ARFGEF3: variants seen among roughly 807,000 people sequenced by gnomAD.
The protein encoded by ARFGEF3 is brefeldin A-inhibited guanine nucleotide-exchange protein 3.
Under a neutral mutation model 221.7 loss-of-function variants are expected in ARFGEF3, and 96 were observed. That is an observed-to-expected ratio of 0.43 (90% CI 0.37 to 0.51). The LOEUF (loss-of-function observed/expected upper bound fraction) is 0.51, where lower values mean the gene tolerates loss of function less well. Ranked by LOEUF, ARFGEF3 falls within the 20% of genes least tolerant of loss-of-function variation. The pLI is 0.00. For missense variants in ARFGEF3, 2,410 were observed against 2,789.9 expected, an observed-to-expected ratio of 0.86 and a Z score of 3.07; for synonymous variants, 1,145 against 1,126.8, an observed-to-expected ratio of 1.02 and a Z score of -0.32.
At chr6:138,311,562 T>C in intron 25 of ARFGEF3, 52 bp downstream of exon 25, 1 of 1,315,214 alleles carries the variant, frequency 7.6e-7, no homozygotes, top group Non-Finnish European at 1.1e-6. Context: ...CCTCGGAACA[T>C]GCTGCCAAAA....
chr6:138,200,603 G>C (rs1439854102), intron 2 of ARFGEF3, among the ~76,000 whole-genome samples: 1 of 152,172 alleles, frequency 6.6e-6, no homozygotes, highest in African/African-American at 2.4e-5. Context: ...AAATGGTGCT[G>C]GGATAATTGG....
intron 2 of ARFGEF3, among the ~76,000 whole-genome samples, chr6:138,181,890 A>G (rs963324532): frequency 6.6e-6 from 1 of 152,228 alleles, no homozygotes. Flanking sequence ...GAAATTGTTT[A>G]TATTGATGGA....
rs190468821 is a variant in ARFGEF3, at chr6:138,212,698, A to G, written c.351+2657A>G. On this transcript the variant is annotated intron_variant, in intron 4 of 33. Coordinates refer to ENST00000251691, the MANE Select transcript of ARFGEF3 (RefSeq NM_020340.5). Reference sequence around the variant, plus strand: ...ACACTATGGAATACTATGCAGCCATAAAAAAGGATGAGTTCATGTCCTTTG... The same window carrying G: ...ACACTATGGAATACTATGCAGCCATGAAAAAGGATGAGTTCATGTCCTTTG... 2.2e-4 allele frequency among the ~76,000 whole-genome samples: 33 copies of G among 152,342 alleles called. No homozygotes were observed. In the East Asian group the frequency reaches 5.2e-3, roughly 24 times the overall value.
At chr6:138,243,653 A>G (rs1295360138) in intron 7 of ARFGEF3, among the ~76,000 whole-genome samples, 1 of 152,230 alleles carries the variant, frequency 6.6e-6, no homozygotes, top group Non-Finnish European at 1.5e-5. Context: ...AATACTGCAA[A>G]AATCTGCTTT....
intron 5 of ARFGEF3, among the ~76,000 whole-genome samples, chr6:138,237,531 G>T (rs1240694666): frequency 1.3e-5 from 2 of 151,934 alleles, no homozygotes; most frequent in Non-Finnish European, 1.5e-5. Context: ...TTCTAATTGA[G>T]ATTTCTCCAT....
rs1332033574 is a variant in ARFGEF3, at chr6:138,307,253, G to A, written c.3829G>A (p.Val1277Ile). The A allele has an allele frequency of 5.0e-6, 8 of 1,613,228 alleles. No individual in the cohort carries two copies. Among genetic ancestry groups the A allele is most frequent in the Non-Finnish European group, 6.8e-6 (8 of 1,179,470 alleles). The part of the protein sequence containing the change: ...ELCDEDVQDQ[V>I]VTSIGELVEV... ...GTGCCACTTGCTTTGCCTCTACCAG[G>A]TTGTCACATCCATTGGTGAGCTGGT... The change falls in exon 23 of 34, where the codon GTT becomes ATT. Residue 1277 changes from valine (V) to isoleucine (I), a missense_variant and splice_region_variant. By Grantham distance (29) the Val-to-Ile change is conservative. This residue lies in a region of ARFGEF3 where 723 missense variants were observed against 991.9 expected (regional missense o/e 0.73). Coordinates refer to ENST00000251691, the MANE Select transcript of ARFGEF3 (RefSeq NM_020340.5).
chr6:138,285,556 A>G (rs1333326710), intron 14 of ARFGEF3, among the ~76,000 whole-genome samples: 4 of 152,234 alleles, frequency 2.6e-5, no homozygotes, highest in Non-Finnish European at 4.4e-5. Context: ...TAATTCATGT[A>G]AGGAAGCTCT....
intron 2 of ARFGEF3, among the ~76,000 whole-genome samples, chr6:138,206,645 A>G (rs1777628893): frequency 6.6e-6 from 1 of 152,216 alleles, no homozygotes; most frequent in African/African-American, 2.4e-5. Context: ...AGGTAGAAGC[A>G]AGGCATAGAA....
Position 138,242,089 on chromosome 6 carries a change from A to G in ARFGEF3, c.544-863A>G, listed in dbSNP as rs368610864. Among the ~76,000 whole-genome samples, 200 of 152,342 alleles carry G rather than the reference A, an allele frequency of 1.3e-3. 1 individual carries two copies. In the South Asian group the frequency reaches 0.024, roughly 18 times the overall value. Reference sequence around the variant, plus strand: ...GCAAAAGTTGTTGTGGAAGCAGCTGAGCTTGCAAATTAATGAGCAGAGAAT... The same window carrying G: ...GCAAAAGTTGTTGTGGAAGCAGCTGGGCTTGCAAATTAATGAGCAGAGAAT... On this transcript the variant is annotated intron_variant, in intron 6 of 33. Transcript: ENST00000251691.
At position 138,262,809 on chromosome 6, in the gene ARFGEF3, G is replaced by C. The variant is rs746173663; in HGVS notation, c.1326G>C (p.Gln442His). The change falls in exon 12 of 34, where the codon CAG becomes CAC. Residue 442 changes from glutamine (Q) to histidine (H), a missense_variant. Coordinates refer to ENST00000251691, the MANE Select transcript of ARFGEF3 (RefSeq NM_020340.5). ...TLLGALDELS[Q>H]GKGLSEGQVQ... is the part of the protein sequence containing the mutation. ...TGGGTGCCCTGGATGAGCTCAGCCA[G>C]GGGAAGGGCTTGAGCGAAGGTCAGG... The C allele has an allele frequency of 6.2e-7, 1 of 1,614,062 alleles. No homozygotes were observed. Among genetic ancestry groups the C allele is most frequent in the South Asian group, 1.1e-5 (1 of 91,082 alleles).
Position 138,333,999 on chromosome 6 carries a change from T to A in ARFGEF3, c.5153T>A (p.Leu1718Gln), listed in dbSNP as rs1353598288. The A allele has an allele frequency of 6.2e-7, 1 of 1,609,954 alleles. No individual in the cohort carries two copies. The highest frequency in any genetic ancestry group is 1.1e-5 in the South Asian group (1 of 91,000). Residue 1718 changes from leucine (L) to glutamine (Q), a missense_variant, in exon 33 of 34, where the codon CTG becomes CAG. Leu to Gln is a moderately radical substitution (Grantham distance 113, BLOSUM62 -2). This residue lies in a region of ARFGEF3 where 723 missense variants were observed against 991.9 expected (regional missense o/e 0.73). Transcript: ENST00000251691. Reference protein sequence around the residue: ...SVSFREIVVSLLSHQVLLQNL... With the variant: ...SVSFREIVVSQLSHQVLLQNL... ...TCTTTCAGGGAAATTGTGGTGAGCC[T>A]GCTGTCTCATCAGGTGTTACTCCAG...
At chr6:138,192,529 C>T (rs892081257) in intron 2 of ARFGEF3, among the ~76,000 whole-genome samples, 2 of 152,148 alleles carry the variant, frequency 1.3e-5, no homozygotes, top group Non-Finnish European at 2.9e-5. Flanking sequence ...GAGGTCTCTT[C>T]CCTGGCTCTA....
At chr6:138,190,594 G>A (rs1309428608) in intron 2 of ARFGEF3, among the ~76,000 whole-genome samples, 3 of 152,160 alleles carry the variant, frequency 2.0e-5, no homozygotes, top group Non-Finnish European at 2.9e-5. Flanking sequence ...TTTTATCACT[G>A]TAGATAAAAA....
chr6:138,291,977 G>T lies in ARFGEF3; in HGVS notation c.3292G>T (p.Asp1098Tyr). Reference protein sequence around the residue: ...VREGSRGRASDFRGGSLMSGS... With the variant: ...VREGSRGRASYFRGGSLMSGS... Reference sequence around the variant, plus strand: ...GGAAGGCAGCCGGGGTCGGGCCTCCGACTTCCGCGGCGGGAGCCTCATGAG... The same window carrying T: ...GGAAGGCAGCCGGGGTCGGGCCTCCTACTTCCGCGGCGGGAGCCTCATGAG... Residue 1098 changes from aspartate (D) to tyrosine (Y), a missense_variant, in exon 19 of 34, where the codon GAC (aspartate) becomes TAC (tyrosine). By Grantham distance (160) the Asp-to-Tyr change is radical (BLOSUM62 -3). This residue lies in a region of ARFGEF3 where 184 missense variants were observed against 141.8 expected (regional missense o/e 1.30). Coordinates refer to ENST00000251691, the MANE Select transcript of ARFGEF3 (RefSeq NM_020340.5). This position sits in a 1 kb window ranked among gnomAD's most constrained non-coding sequence, Gnocchi z 4.5. The T allele has an allele frequency of 6.5e-7, 1 of 1,535,510 alleles. No individual in the cohort carries two copies. The highest frequency in any genetic ancestry group is 8.7e-7 in the Non-Finnish European group (1 of 1,144,252).
intron 2 of ARFGEF3, among the ~76,000 whole-genome samples, chr6:138,178,967 G>A (rs1055694753): frequency 2.6e-5 from 4 of 152,138 alleles, no homozygotes; most frequent in Admixed American, 2.0e-4. Flanking sequence ...AAGGGGTGGG[G>A]GATGGTGGTG....
chr6:138,285,113 T>C (rs1779262535), intron 14 of ARFGEF3, among the ~76,000 whole-genome samples: 1 of 152,168 alleles, frequency 6.6e-6, no homozygotes, highest in African/African-American at 2.4e-5. Context: ...CTTACCTAAT[T>C]TTAGCTGTTT....
At chr6:138,197,938 A>G (rs1418689578) in intron 2 of ARFGEF3, among the ~76,000 whole-genome samples, 1 of 152,232 alleles carries the variant, frequency 6.6e-6, no homozygotes, top group Non-Finnish European at 1.5e-5. Context: ...CTCCCATGCC[A>G]CTATCTGGAA....
chr6:138,255,886 C>T (rs1778669551), intron 10 of ARFGEF3, 117 bp downstream of exon 10: 5 of 822,786 alleles, frequency 6.1e-6, no homozygotes, highest in Non-Finnish European at 9.3e-6. Flanking sequence ...ATTACTGCCT[C>T]ATGGTGTCCA....
rs1325847458 is a variant in ARFGEF3, at chr6:138,320,010, A to G, written c.4651+131A>G. The G allele has an allele frequency of 2.5e-5, 19 of 758,666 alleles. No homozygotes were observed. In the South Asian group the frequency reaches 3.2e-4, roughly 13 times the overall value. The allele number at this position is 758,666 out of a possible 1,614,324, so 47.0% of individuals were successfully genotyped here. On this transcript the variant is annotated intron_variant, in intron 28 of 33. Transcript: ENST00000251691. Reference sequence around the variant, plus strand: ...TTTGTCCTGGGAATTATTAAAATAGAACAACATGGTCAGTGCCAGCCTTCT... The same window carrying G: ...TTTGTCCTGGGAATTATTAAAATAGGACAACATGGTCAGTGCCAGCCTTCT...
Sources: gnomAD v4.1 joint callset for allele counts (sites outside exome capture counted in the v4.1 genomes callset) on GRCh38, gnomAD v4.1.1 for gene constraint, gnomAD v4.1.1 regional missense constraint, Gnocchi (gnomAD v3.1) non-coding constraint, MANE v1.5 for transcripts, NCBI Gene and HGNC (gene_info 2026-07-23, HGNC 2026-07-21) for gene names.